The following ATP10A variants were observed in gnomAD, a reference collection of about 807,000 sequenced individuals.
ATP10A encodes the protein ATPase phospholipid transporting 10A (putative).
A neutral mutation model predicts 147.8 loss-of-function variants in ATP10A; 111 were observed. That is an observed-to-expected ratio of 0.75 (90% CI 0.64 to 0.88). The LOEUF (loss-of-function observed/expected upper bound fraction) is 0.88, where lower values mean the gene tolerates loss of function less well. ATP10A is among the 40% of genes least tolerant of loss of function. The pLI, the probability that ATP10A is intolerant of heterozygous loss-of-function variation, is 0.00. For missense variants in ATP10A, 1,927 were observed against 1,959.0 expected (o/e 0.98, Z 0.31); for synonymous variants, 875 against 841.6 (o/e 1.04, Z -0.69).
At chr15:25,737,110 G>C (rs574012596) in intron 2 of ATP10A, among the ~76,000 whole-genome samples, 2 of 152,336 alleles carry the variant, frequency 1.3e-5, no homozygotes, top group South Asian at 4.1e-4. Flanking sequence ...CTAGATAATC[G>C]TAGCTCGATT....
rs562131954 is a variant in ATP10A at position 25,680,545 on chromosome 15, G to A, written c.3679-237C>T. On this transcript the variant is annotated intron_variant, in intron 19 of 20. Transcript: ENST00000555815. ...TCAGGGGCGAGAGGGCAAGACAGGA[G>A]GGAAAGGAGAGAATGTGGTGGTGGA... Among the ~76,000 whole-genome samples, 21 of 152,278 alleles carry A rather than the reference G, an allele frequency of 1.4e-4. No homozygotes were observed. In the East Asian group the frequency reaches 3.9e-3, roughly 28 times the overall value.
chr15:25,819,206 A>C (rs1891783325), intron 1 of ATP10A, among the ~76,000 whole-genome samples: 1 of 152,226 alleles, frequency 6.6e-6, no homozygotes, highest in Non-Finnish European at 1.5e-5. Context: ...TCCAGAATTT[A>C]CAAGGAACTC....
intron 1 of ATP10A, among the ~76,000 whole-genome samples, chr15:25,821,390 CAAAAAAAACAAA>C (rs1000493197): frequency 7.2e-5 from 7 of 97,682 alleles, no homozygotes; most frequent in Non-Finnish European, 1.2e-4. Flanking sequence ...GACCCTGTCT[CAAAAAAAACAAA>C]AAAAAAAACA....
chr15:25,720,534 C>G (rs1002030771), intron 7 of ATP10A, among the ~76,000 whole-genome samples: 1 of 151,770 alleles, frequency 6.6e-6, no homozygotes, highest in African/African-American at 2.4e-5. Flanking sequence ...ATGCACTGTG[C>G]TGTACCAGGT....
Position 25,708,003 on chromosome 15 carries a change from G to A in ATP10A, c.2548C>T (p.Arg850Cys), listed in dbSNP as rs750431834. ...AACAAGTGCAGGTTGGTCTCCAGGC[G>A]AATGGCAGACTGGAAGAGGAGCTCC... ...SEELLFQSAI[R>C]LETNLHLLGA... Residue 850 changes from arginine (R) to cysteine (C), a missense_variant, in exon 12 of 21, where the codon CGC (arginine) becomes TGC (cysteine). By Grantham distance (180) the Arg-to-Cys change is radical. Coordinates refer to ENST00000555815, the MANE Select transcript of ATP10A (RefSeq NM_024490.4). 6.2e-6 allele frequency: 10 copies of A among 1,614,006 alleles called. No homozygotes were observed. Among genetic ancestry groups the A allele is most frequent in the East Asian group, 4.5e-5 (2 of 44,882 alleles).
chr15:25,685,169 T>C (rs1899642145), intron 16 of ATP10A, among the ~76,000 whole-genome samples: 1 of 152,206 alleles, frequency 6.6e-6, no homozygotes, highest in Admixed American at 6.5e-5. Flanking sequence ...TGGAAACCTT[T>C]CTTCTCTGCT....
chr15:25,787,529 T>C (rs1278211102), intron 1 of ATP10A, among the ~76,000 whole-genome samples: 1 of 150,314 alleles, frequency 6.7e-6, no homozygotes, highest in African/African-American at 2.5e-5. Flanking sequence ...GAGAATGACT[T>C]GAGCCTGGGA....
chr15:25,851,977 A>T (rs1893318134), intron 1 of ATP10A, among the ~76,000 whole-genome samples: 1 of 152,222 alleles, frequency 6.6e-6, no homozygotes, highest in Admixed American at 6.5e-5. Context: ...CAATAATGAC[A>T]GCAGTTGTAA....
chr15:25,783,353 A>G (rs1890014803), intron 1 of ATP10A, among the ~76,000 whole-genome samples: 1 of 152,200 alleles, frequency 6.6e-6, no homozygotes, highest in African/African-American at 2.4e-5. Flanking sequence ...CTGGAGGTGG[A>G]CTGTGTGGGC....
At chr15:25,777,278 G>C (rs1889662446) in intron 2 of ATP10A, among the ~76,000 whole-genome samples, 1 of 152,042 alleles carries the variant, frequency 6.6e-6, no homozygotes, top group Non-Finnish European at 1.5e-5. Flanking sequence ...TCAAAGGTGG[G>C]GCTCCACGGC....
intron 1 of ATP10A, among the ~76,000 whole-genome samples, chr15:25,843,068 T>G (rs1376753689): frequency 6.6e-6 from 1 of 152,130 alleles, no homozygotes; most frequent in Admixed American, 6.5e-5. Context: ...TATCCAGAAT[T>G]TCAAAACCTA....
At chr15:25,751,692 T>C (rs1457578787) in intron 2 of ATP10A, among the ~76,000 whole-genome samples, 2 of 152,096 alleles carry the variant, frequency 1.3e-5, no homozygotes, top group Non-Finnish European at 2.9e-5. Flanking sequence ...CAATTAACAG[T>C]GTGCAGAGAC....
At chr15:25,795,820 C>T (rs957734225) in intron 1 of ATP10A, among the ~76,000 whole-genome samples, 2 of 152,086 alleles carry the variant, frequency 1.3e-5, no homozygotes, top group African/African-American at 2.4e-5. Flanking sequence ...GTGTCTGGGT[C>T]GTGGGGGTGG....
intron 1 of ATP10A, among the ~76,000 whole-genome samples, chr15:25,794,093 C>T (rs530492110): frequency 1.3e-5 from 2 of 152,338 alleles, no homozygotes; most frequent in South Asian, 2.1e-4. Flanking sequence ...AAAGGCTTCA[C>T]TGATTATAAG....
At chr15:25,849,597 G>A (rs1274207485) in intron 1 of ATP10A, among the ~76,000 whole-genome samples, 1 of 152,134 alleles carries the variant, frequency 6.6e-6, no homozygotes, top group East Asian at 1.9e-4. Context: ...AAACTGAAAG[G>A]AGAAAAAGAG....
In ATP10A at chr15:25,736,176, G is replaced by A. The variant is rs377766392; in HGVS notation, c.655-35C>T. 2.9e-5 allele frequency: 46 copies of A among 1,582,160 alleles called. No homozygotes were observed. In the African/African-American group the frequency reaches 3.6e-4, roughly 13 times the overall value. Reference sequence around the variant, plus strand: ...CAGCACGTAGACATTAGAGAAATCCGGGCTCAGGCTGCGCCGTTCTAAAAG... The same window carrying A: ...CAGCACGTAGACATTAGAGAAATCCAGGCTCAGGCTGCGCCGTTCTAAAAG... On this transcript the variant is annotated intron_variant, in intron 2 of 20. Transcript: ENST00000555815.
intron 3 of ATP10A, among the ~76,000 whole-genome samples, chr15:25,734,666 T>C (rs979664358): frequency 6.6e-6 from 1 of 152,298 alleles, no homozygotes; most frequent in Non-Finnish European, 1.5e-5. Flanking sequence ...AGAGGTTATA[T>C]GCTTACATTT....
chr15:25,763,401 C>T (rs941828720), intron 2 of ATP10A, among the ~76,000 whole-genome samples: 1 of 152,210 alleles, frequency 6.6e-6, no homozygotes, highest in African/African-American at 2.4e-5. Flanking sequence ...GGCTCCTCCC[C>T]CTGCATCCAG....
chr15:25,744,689 G>A (rs879400645), intron 2 of ATP10A, among the ~76,000 whole-genome samples: 1 of 152,170 alleles, frequency 6.6e-6, no homozygotes, highest in Non-Finnish European at 1.5e-5. Flanking sequence ...CTTATTAGCA[G>A]ATTTGGCAAA....
Sources: allele counts gnomAD v4.1 joint callset (sites outside exome capture counted in the v4.1 genomes callset), GRCh38; gene constraint gnomAD v4.1.1; transcripts MANE v1.5; gene names NCBI Gene and HGNC (gene_info 2026-07-23, HGNC 2026-07-21).